Variants in SHOC1 observed in about 807,000 individuals in gnomAD.
SHOC1 encodes the protein protein shortage in chiasmata 1 ortholog.
A neutral mutation model predicts 179.2 loss-of-function variants in SHOC1; 136 were observed. The observed-to-expected ratio is 0.76, with a 90% CI of 0.66 to 0.87. The LOEUF (loss-of-function observed/expected upper bound fraction) is 0.87, where lower values mean the gene tolerates loss of function less well. Ranked by LOEUF, SHOC1 falls within the 40% of genes least tolerant of loss-of-function variation. The pLI is 0.00. For synonymous variants in SHOC1, 489 were observed against 586.6 expected (o/e 0.83, Z 2.41); for missense variants, 1,538 against 1,700.8 (o/e 0.90, Z 1.68).
intron 1 of SHOC1, among the ~76,000 whole-genome samples, chr9:111,792,890 T>TTC (rs1663954577): frequency 6.6e-6 from 1 of 151,828 alleles, no homozygotes; most frequent in South Asian, 2.1e-4. Flanking sequence ...CACTGATCTT[T>TTC]TTTTTTTTTT....
intron 11 of SHOC1, 94 bp from the exon 12 acceptor site, chr9:111,738,616 G>GAAATGCATAA: frequency 3.4e-6 from 4 of 1,186,072 alleles, no homozygotes; most frequent in Non-Finnish European, 4.4e-6. Context: ...ATTTCTTTAT[G>GAAATGCATAA]AAATGCATTT....
At chr9:111,748,419 T>C (rs1427014795) in intron 8 of SHOC1, among the ~76,000 whole-genome samples, 1 of 152,126 alleles carries the variant, frequency 6.6e-6, no homozygotes, top group Non-Finnish European at 1.5e-5. Context: ...CAACTGTCAA[T>C]CAGAATTACC....
At chr9:111,699,364 A>G (rs1170367135) in intron 24 of SHOC1, among the ~76,000 whole-genome samples, 1 of 152,210 alleles carries the variant, frequency 6.6e-6, no homozygotes, top group African/African-American at 2.4e-5. Flanking sequence ...TCACGTGGAG[A>G]TTCCCAGTAG....
intron 5 of SHOC1, among the ~76,000 whole-genome samples, chr9:111,769,991 T>TTTTTTTTTTTTTTTTTTTTG (rs1835527802): frequency 2.1e-5 from 3 of 142,922 alleles, no homozygotes; most frequent in Admixed American, 6.9e-5. Flanking sequence ...TTTTTGTTTT[T>TTTTTTTTTTTTTTTTTTTTG]TTTTTTTTTT....
intron 9 of SHOC1, among the ~76,000 whole-genome samples, chr9:111,747,585 T>A (rs1834348942): frequency 6.6e-6 from 1 of 152,032 alleles, no homozygotes; most frequent in Non-Finnish European, 1.5e-5. Context: ...TATTCAGGGG[T>A]TTTTTTGTTT....
intron 8 of SHOC1, among the ~76,000 whole-genome samples, chr9:111,749,586 C>T (rs920595680): frequency 1.3e-5 from 2 of 152,014 alleles, no homozygotes; most frequent in African/African-American, 4.8e-5. Flanking sequence ...TAAGCATGTG[C>T]CATGGTGGTT....
chr9:111,786,879 C>T (rs759977526), intron 2 of SHOC1, among the ~76,000 whole-genome samples: 1 of 152,194 alleles, frequency 6.6e-6, no homozygotes, highest in African/African-American at 2.4e-5. Flanking sequence ...GACAAGCTGA[C>T]TCTCTTGCTA....
intron 2 of SHOC1, among the ~76,000 whole-genome samples, chr9:111,790,826 G>A (rs900793055): frequency 9.2e-5 from 14 of 152,168 alleles, no homozygotes; most frequent in African/African-American, 3.1e-4. Context: ...GATTACAGGC[G>A]TGAGCCACCG....
intron 24 of SHOC1, among the ~76,000 whole-genome samples, chr9:111,698,599 T>TGTAGTATAGTA (rs58969127): frequency 0.2 from 30,034 of 151,932 alleles, 3,116 homozygotes; most frequent in Non-Finnish European, 0.23. Context: ...ACTGTAGCCT[T>TGTAGTATAGTA]GTAGTATAGT....
intron 16 of SHOC1, among the ~76,000 whole-genome samples, chr9:111,716,381 C>CTTTT (rs34548781): frequency 4.4e-5 from 3 of 67,740 alleles, no homozygotes; most frequent in African/African-American, 5.7e-5. Context: ...TCTTTTCTCC[C>CTTTT]TTTTTTTTTT....
chr9:111,710,640 G>A (rs1362411052), intron 18 of SHOC1, among the ~76,000 whole-genome samples: 1 of 152,022 alleles, frequency 6.6e-6, no homozygotes, highest in Non-Finnish European at 1.5e-5. Context: ...CATTTCTAAG[G>A]GTGATAACAC....
chr9:111,748,321 T>C (rs1834383470), intron 8 of SHOC1, 122 bp from the exon 9 acceptor site: 3 of 669,924 alleles, frequency 4.5e-6, no homozygotes, highest in African/African-American at 1.8e-5. Context: ...AATTTTTCCT[T>C]TTAGAGAGAA....
intron 18 of SHOC1, among the ~76,000 whole-genome samples, chr9:111,711,575 T>G (rs1427337610): frequency 1.3e-5 from 2 of 152,178 alleles, no homozygotes; most frequent in East Asian, 3.8e-4. Flanking sequence ...TTTCTGGTCA[T>G]GTGACAAGAG....
At chr9:111,764,110 G>T (rs1835255711) in intron 5 of SHOC1, among the ~76,000 whole-genome samples, 1 of 151,156 alleles carries the variant, frequency 6.6e-6, no homozygotes, top group Non-Finnish European at 1.5e-5. Flanking sequence ...GTGCCATCCT[G>T]TTCAGTCCCA....
At chr9:111,746,136 A>T in intron 10 of SHOC1, 98 bp downstream of exon 10, 1 of 688,722 alleles carries the variant, frequency 1.5e-6, no homozygotes, top group Non-Finnish European at 2.5e-6. Context: ...AAATTTTTTC[A>T]TAGAGGTATC....
chr9:111,714,758 A>C (rs2131385391), intron 16 of SHOC1, 135 bp from the exon 17 acceptor site: 1 of 777,712 alleles, frequency 1.3e-6, no homozygotes, highest in East Asian at 2.7e-5. Context: ...GATTTTGATC[A>C]AAGACACTAA....
chr9:111,696,417 A>G (rs1158684077), intron 24 of SHOC1, among the ~76,000 whole-genome samples: 1 of 152,210 alleles, frequency 6.6e-6, no homozygotes, highest in Non-Finnish European at 1.5e-5. Context: ...TTAATACAAC[A>G]ATGTCATCAA....
chr9:111,768,228 A>T (rs1207904336), intron 5 of SHOC1, among the ~76,000 whole-genome samples: 88 of 142,672 alleles, frequency 6.2e-4, no homozygotes, highest in South Asian at 1.1e-3. Context: ...TGTATGTTAA[A>T]TTTTTTTTTT....
Position 111,756,338 on chromosome 9 carries a change from C to A in SHOC1, c.849G>T (p.Lys283Asn), listed in dbSNP as rs372674468. 3.1e-6 allele frequency: 5 copies of A among 1,593,194 alleles called. No homozygotes were observed. The highest frequency in any genetic ancestry group is 1.8e-5 in the Admixed American group (1 of 54,502). ...ATTAATTCTCACCTCTTTCAAAAAG[C>A]TTTTCCTTTTCATCTACATAGTTTA... The part of the protein sequence containing the change: ...EIINYVDEKE[K>N]LFERDLTNKH... Residue 283 changes from lysine (K) to asparagine (N), a missense_variant, in exon 8 of 28, where the codon AAG (lysine) becomes AAT (asparagine). By Grantham distance (94) the Lys-to-Asn change is moderately conservative. Transcript: ENST00000682961.
Sources: allele counts gnomAD v4.1 joint callset (sites outside exome capture counted in the v4.1 genomes callset), GRCh38; gene constraint gnomAD v4.1.1; transcripts MANE v1.5; gene names NCBI Gene and HGNC (gene_info 2026-07-23, HGNC 2026-07-21).